METTL13: variants seen among roughly 807,000 people sequenced by gnomAD.
METTL13 encodes methyltransferase 13, eEF1A N-terminus and K55.
In METTL13, 52 loss-of-function variants were observed where a neutral mutation model predicts 67.4. The ratio of observed to expected loss-of-function variants is 0.77; its 90% confidence interval spans 0.62 to 0.97. The LOEUF (loss-of-function observed/expected upper bound fraction) is 0.97, where lower values mean the gene tolerates loss of function less well. Among genes scored for constraint, METTL13 ranks in the 50% least tolerant of loss-of-function variants. The pLI, the probability that METTL13 is intolerant of heterozygous loss-of-function variation, is 0.00. For synonymous variants in METTL13, 354 were observed against 353.6 expected (o/e 1.00, Z -0.01); for missense variants, 825 against 889.6 (o/e 0.93, Z 0.92).
chr1:171,793,245 T>C (rs1166504263), intron 6 of METTL13, among the ~76,000 whole-genome samples: 1 of 152,238 alleles, frequency 6.6e-6, no homozygotes, highest in East Asian at 1.9e-4. Context: ...CTGAATTGAA[T>C]TGTAACAGTT....
intron 1 of METTL13, among the ~76,000 whole-genome samples, chr1:171,782,579 A>G (rs1011720246): frequency 4.8e-5 from 7 of 146,790 alleles, no homozygotes; most frequent in Non-Finnish European, 7.6e-5. Context: ...AAAAAAAAAC[A>G]TTTCTTTAAA....
chr1:171,781,675 T>A lies in METTL13; in HGVS notation c.-293T>A, dbSNP rs1023582082. 2.3e-6 allele frequency: 2 copies of A among 883,842 alleles called. No homozygotes were observed. The highest frequency in any genetic ancestry group is 3.5e-5 in the African/African-American group (2 of 57,298). The allele number at this position is 883,842 out of a possible 1,614,324, so 54.7% of individuals were successfully genotyped here. A position where few individuals can be genotyped will look rare whatever the true frequency, so the allele number is the denominator to read the frequency against. On this transcript the variant is annotated 5_prime_UTR_variant, in exon 1 of 8. It removes an upstream start codon present in the reference 5' UTR. Coordinates refer to ENST00000361735, the MANE Select transcript of METTL13 (RefSeq NM_015935.5). ...GAGGCTTCGCACCCGGATATGGTTA[T>A]GGGCTCGGAAATCTAGTTCGGGAAA...
At chr1:171,792,572 T>C (rs1461676412) in intron 6 of METTL13, among the ~76,000 whole-genome samples, 4 of 152,046 alleles carry the variant, frequency 2.6e-5, no homozygotes, top group Admixed American at 6.5e-5. Flanking sequence ...GAAGAAAAGG[T>C]GGAATGTGTG....
intron 7 of METTL13, 143 bp downstream of exon 7, chr1:171,794,670 A>T: frequency 8.3e-7 from 1 of 1,203,272 alleles, no homozygotes; most frequent in Non-Finnish European, 1.1e-6. Flanking sequence ...AGACACAGAA[A>T]ATTTCCAGCT....
Position 171,796,767 on chromosome 1 carries a change from C to A in METTL13, c.*11C>A, listed in dbSNP as rs767740760. 70 of 1,612,020 alleles carry A rather than the reference C, an allele frequency of 4.3e-5. No individual in the cohort carries two copies. The highest frequency in any genetic ancestry group is 5.9e-5 in the Non-Finnish European group (69 of 1,178,948). On this transcript the variant is annotated 3_prime_UTR_variant, in exon 8 of 8. Coordinates refer to ENST00000361735, the MANE Select transcript of METTL13 (RefSeq NM_015935.5). The stretch of plus-strand genomic sequence containing the variant: ...GTGAAAATTGTGTGACTGCTTAGGC[C>A]AAGCAGCCCTCCTGCCTAGACTGAC...
chr1:171,786,007 G>A lies in METTL13; in HGVS notation c.1042G>A (p.Asp348Asn). The change falls in exon 3 of 8, where the codon GAC becomes AAC. Residue 348 changes from aspartate to asparagine, a missense_variant. Physicochemically the swap from Asp to Asn is conservative, Grantham distance 23. Coordinates refer to ENST00000361735, the MANE Select transcript of METTL13 (RefSeq NM_015935.5). ...LHRGQQYESM[D>N]HIQAELSARV... The stretch of plus-strand genomic sequence containing the variant: ...CCGAGGTCAGCAGTATGAAAGCATG[G>A]ACCACATCCAAGCTGAGCTGTCGGC... The A allele has an allele frequency of 6.2e-7, 1 of 1,614,026 alleles. No homozygotes were observed. Among genetic ancestry groups the A allele is most frequent in the Non-Finnish European group, 8.5e-7 (1 of 1,179,970 alleles).
At chr1:171,789,590 G>C (rs1381109067) in intron 4 of METTL13, among the ~76,000 whole-genome samples, 1 of 152,136 alleles carries the variant, frequency 6.6e-6, no homozygotes, top group Non-Finnish European at 1.5e-5. Context: ...AAGGTTGTTA[G>C]AAGAGCTAAA....
chr1:171,791,898 A>T, intron 5 of METTL13, 119 bp from the exon 6 acceptor site: 1 of 981,366 alleles, frequency 1.0e-6, no homozygotes, highest in Non-Finnish European at 1.5e-6. Context: ...GGAGACCTCT[A>T]AATCTTGTAT....
chr1:171,786,030 G>A lies in METTL13; in HGVS notation c.1065G>A (p.Ser355=), dbSNP rs2232818. 0.28 allele frequency: 452,549 copies of A among 1,613,394 alleles called. 66,196 individuals carry two copies. Among genetic ancestry groups the A allele is most frequent in the East Asian group, 0.56 (25,141 of 44,844 alleles). Residue 355 remains serine (S), a synonymous_variant, in exon 3 of 8, where the codon TCG becomes TCA. Transcript: ENST00000361735. ...TGGACCACATCCAAGCTGAGCTGTC[G>A]GCTAGAGTCATGGAGCTGGCCCCAG... is the stretch of plus-strand genomic sequence containing the variant. The part of the protein sequence containing the change: ...ESMDHIQAEL[S]ARVMELAPAG...
At chr1:171,789,606 A>T (rs1048130117) in intron 4 of METTL13, among the ~76,000 whole-genome samples, 1 of 152,222 alleles carries the variant, frequency 6.6e-6, no homozygotes, top group African/African-American at 2.4e-5. Flanking sequence ...CTAAAAAAAT[A>T]AAAGTTACGG....
intron 4 of METTL13, among the ~76,000 whole-genome samples, chr1:171,789,456 A>C (rs1657129145): frequency 6.6e-6 from 1 of 152,162 alleles, no homozygotes; most frequent in Non-Finnish European, 1.5e-5. Context: ...GGCATAGCAG[A>C]AAGATGATAG....
Position 171,784,454 on chromosome 1 carries a change from C to T in METTL13, c.868C>T (p.Pro290Ser), listed in dbSNP as rs367632340. 7.3e-6 allele frequency: 11 copies of T among 1,510,436 alleles called. No homozygotes were observed. The African/African-American group carries it at 1.5e-4, about 21-fold the overall frequency. 93.6% of individuals were successfully genotyped at this position (1,510,436 alleles called of 1,614,324 possible). A position where few individuals can be genotyped will look rare whatever the true frequency, so the allele number is the denominator to read the frequency against. Reference protein sequence around the residue: ...PRYTLHVVDSPTVKPSRDNHF... With the variant: ...PRYTLHVVDSSTVKPSRDNHF... ...CTACACCCTCCACGTGGTGGACAGC[C>T]CCACTGTGAAACCATCGCGGGACAA... is the stretch of plus-strand genomic sequence containing the variant. The change falls in exon 2 of 8, where the codon CCC becomes TCC. Residue 290 changes from proline (P) to serine (S), a missense_variant. By Grantham distance (74) the Pro-to-Ser change is moderately conservative. Coordinates refer to ENST00000361735, the MANE Select transcript of METTL13 (RefSeq NM_015935.5).
chr1:171,793,344 A>G (rs1050862079), intron 6 of METTL13, among the ~76,000 whole-genome samples: 3 of 152,262 alleles, frequency 2.0e-5, no homozygotes, highest in East Asian at 1.9e-4. Flanking sequence ...AGTGCCATGC[A>G]CATGGTAAGT....
chr1:171,782,129 C>T lies in METTL13; in HGVS notation c.153+9C>T, dbSNP rs766692197. The T allele has an allele frequency of 4.3e-6, 7 of 1,611,668 alleles. No individual in the cohort carries two copies. Among genetic ancestry groups the T allele is most frequent in the East Asian group, 2.2e-5 (1 of 44,806 alleles). ...TCAAGCCCAGGGAAAAGGTGAGGAG[C>T]GCGGGTTGGTAGCCCTTCGTACGTG... On this transcript the variant is annotated intron_variant, in intron 1 of 7. Coordinates refer to ENST00000361735, the MANE Select transcript of METTL13 (RefSeq NM_015935.5).
Position 171,797,028 on chromosome 1 carries a change from A to G in METTL13, c.*272A>G, listed in dbSNP as rs114939585. On this transcript the variant is annotated 3_prime_UTR_variant, in exon 8 of 8. Coordinates refer to ENST00000361735, the MANE Select transcript of METTL13 (RefSeq NM_015935.5). ...AGTGGAGTTCCCTGCTGAAGCCCCT[A>G]GCACACACTGCATGCCTTAACAAGT... The G allele has an allele frequency of 1.8e-3, 777 of 438,020 alleles. 6 individuals are homozygous for G. The highest frequency in any genetic ancestry group is 0.015 in the African/African-American group (737 of 50,298). 27.1% of individuals were successfully genotyped at this position (438,020 alleles called of 1,614,324 possible).
chr1:171,796,854 TA>T lies in METTL13; in HGVS notation c.*99del. On this transcript the variant is annotated 3_prime_UTR_variant, in exon 8 of 8. Coordinates refer to ENST00000361735, the MANE Select transcript of METTL13 (RefSeq NM_015935.5). Reference sequence around the variant, plus strand: ...AACGCACAGTACTTTTGAAGCTTCGTATTTTTCTTGGTTTCACACTCAGCTA... The same window carrying T: ...AACGCACAGTACTTTTGAAGCTTCGTTTTTTCTTGGTTTCACACTCAGCTA... 1 of 1,475,036 alleles carries T rather than the reference TA, an allele frequency of 6.8e-7. No individual in the cohort carries two copies. The highest frequency in any genetic ancestry group is 9.1e-7 in the Non-Finnish European group (1 of 1,102,734). 91.4% of individuals were successfully genotyped at this position (1,475,036 alleles called of 1,614,324 possible).
At position 171,792,021 on chromosome 1, in the gene METTL13, C is replaced by G. The variant is rs936089349; in HGVS notation, c.1479C>G (p.Ile493Met). Reference sequence around the variant, plus strand: ...TGCTCTATTCTTTTCTTACAGAGATCCCACTGGCATTGTTGGTGGTAGGCC... The same window carrying G: ...TGCTCTATTCTTTTCTTACAGAGATGCCACTGGCATTGTTGGTGGTAGGCC... ...LLRNPELLLE[I>M]PLALLVVGLG... is the part of the protein sequence containing the mutation. The change falls in exon 6 of 8, where the codon ATC becomes ATG. Residue 493 changes from isoleucine to methionine, a missense_variant. By Grantham distance (10) the Ile-to-Met change is conservative. Coordinates refer to ENST00000361735, the MANE Select transcript of METTL13 (RefSeq NM_015935.5). 1.2e-6 allele frequency: 2 copies of G among 1,612,492 alleles called. No individual in the cohort carries two copies.
Position 171,783,817 on chromosome 1 carries a change from C to T in METTL13, c.231C>T (p.Ile77=), listed in dbSNP as rs775970951. The change falls in exon 2 of 8, where the codon ATC becomes ATT. Residue 77 remains isoleucine (I), a synonymous_variant. Coordinates refer to ENST00000361735, the MANE Select transcript of METTL13 (RefSeq NM_015935.5). ...YDVGYRDIVN[I]DISEVVIKQM... ...TGGGCTATCGGGATATAGTGAACAT[C>T]GACATCAGTGAGGTTGTCATCAAGC... The T allele has an allele frequency of 5.6e-6, 9 of 1,614,152 alleles. No individual in the cohort carries two copies. The highest frequency in any genetic ancestry group is 6.8e-6 in the Non-Finnish European group (8 of 1,180,020).
intron 6 of METTL13, among the ~76,000 whole-genome samples, chr1:171,793,308 A>G (rs1657265976): frequency 6.6e-6 from 1 of 152,250 alleles, no homozygotes; most frequent in Admixed American, 6.5e-5. Flanking sequence ...AAGCCCAGAT[A>G]GCTAATACGG....
Sources: gnomAD v4.1 joint callset for allele counts (sites outside exome capture counted in the v4.1 genomes callset) on GRCh38, gnomAD v4.1.1 for gene constraint, MANE v1.5 for transcripts, NCBI Gene and HGNC (gene_info 2026-07-23, HGNC 2026-07-21) for gene names.